The following PHF21B variants were observed in gnomAD, a reference collection of about 807,000 sequenced individuals.
PHF21B encodes the protein PHD finger protein 4.
PHF21B carries 22 observed loss-of-function variants against 62.2 expected under a neutral mutation model. That is an observed-to-expected ratio of 0.35 (90% CI 0.25 to 0.51). PHF21B has a LOEUF of 0.51. Among genes scored for constraint, PHF21B ranks in the 20% least tolerant of loss-of-function variants. PHF21B has a pLI of 0.97. For synonymous variants in PHF21B, 341 were observed against 314.7 expected (o/e 1.08, Z -0.88); for missense variants, 701 against 707.9 (o/e 0.99, Z 0.11).
intron 3 of PHF21B, among the ~76,000 whole-genome samples, chr22:44,919,981 TC>T (rs1258086306): frequency 6.6e-6 from 1 of 152,156 alleles, no homozygotes; most frequent in African/African-American, 2.4e-5. Context: ...GTGCTGCCCC[TC>T]CCTGAAATGA....
In PHF21B at chr22:44,938,672, G is replaced by A. The variant is rs138501009; in HGVS notation, c.121-18182C>T. Among the ~76,000 whole-genome samples, 1,194 of 152,332 alleles carry A rather than the reference G, an allele frequency of 7.8e-3. 8 individuals are homozygous for A. The highest frequency in any genetic ancestry group is 0.011 in the Non-Finnish European group (723 of 68,026). ...GCAGCACTGATAGACCCTCATTATG[G>A]CAGCTGCATGGCTAAGATGCTTCAT... is the stretch of plus-strand genomic sequence containing the variant. On this transcript the variant is annotated intron_variant, in intron 2 of 12. Coordinates refer to ENST00000313237, the MANE Select transcript of PHF21B (RefSeq NM_138415.5).
chr22:44,933,043 G>A (rs1255286086), intron 2 of PHF21B, among the ~76,000 whole-genome samples: 1 of 152,222 alleles, frequency 6.6e-6, no homozygotes, highest in Admixed American at 6.5e-5. Context: ...CCTGTCCTCG[G>A]GGACAGACTT....
Position 44,888,089 on chromosome 22 carries a change from G to A in PHF21B, c.1071C>T (p.Ala357=), listed in dbSNP as rs2070892549. The change falls in exon 10 of 13, where the codon GCC becomes GCT. Residue 357 remains alanine, a synonymous_variant. Coordinates refer to ENST00000313237, the MANE Select transcript of PHF21B (RefSeq NM_138415.5). Reference sequence around the variant, plus strand: ...GCTGCAGGTTGGCCCCTCGCTTGCAGGCGGCACAGTGCTCATCGTGGGTGA... The same window carrying A: ...GCTGCAGGTTGGCCCCTCGCTTGCAAGCGGCACAGTGCTCATCGTGGGTGA... ...NEITHDEHCA[A]CKRGANLQPC... 6.5e-7 allele frequency: 1 copy of A among 1,546,510 alleles called. No individual in the cohort carries two copies. The highest frequency in any genetic ancestry group is 8.7e-7 in the Non-Finnish European group (1 of 1,145,668).
At chr22:44,891,437 G>C (rs2070963274) in intron 7 of PHF21B, 77 bp from the exon 8 acceptor site, 1 of 1,540,680 alleles carries the variant, frequency 6.5e-7, no homozygotes. Flanking sequence ...CCCAGGTCAG[G>C]ACTCTCTCTG....
chr22:44,990,987 G>T (rs887864136), intron 2 of PHF21B, among the ~76,000 whole-genome samples: 1 of 152,188 alleles, frequency 6.6e-6, no homozygotes, highest in Non-Finnish European at 1.5e-5. Context: ...CCCTGCTGCC[G>T]CGGCTCCTCC....
intron 2 of PHF21B, among the ~76,000 whole-genome samples, chr22:44,925,453 GC>G (rs1011120825): frequency 1.3e-5 from 2 of 152,140 alleles, no homozygotes; most frequent in African/African-American, 4.8e-5. Flanking sequence ...GGCGGTTCCT[GC>G]CTCCTCTTTG....
intron 2 of PHF21B, among the ~76,000 whole-genome samples, chr22:44,944,085 G>T (rs1434648460): frequency 6.6e-6 from 1 of 152,296 alleles, no homozygotes; most frequent in Non-Finnish European, 1.5e-5. Flanking sequence ...TCGGTAAGAT[G>T]CTGAGCCCCG....
intron 2 of PHF21B, among the ~76,000 whole-genome samples, chr22:44,930,607 C>T (rs57607574): frequency 6.6e-6 from 1 of 152,130 alleles, no homozygotes; most frequent in African/African-American, 2.4e-5. Flanking sequence ...TGCCAAGAGG[C>T]TCAGAGCACT....
intron 2 of PHF21B, among the ~76,000 whole-genome samples, chr22:44,958,906 G>T (rs2072359531): frequency 6.6e-6 from 1 of 152,136 alleles, no homozygotes; most frequent in Non-Finnish European, 1.5e-5. Context: ...CTCCCAAAGT[G>T]CTGGGGTTAC....
Position 44,997,777 on chromosome 22 carries a change from T to C in PHF21B, c.120+10768A>G, listed in dbSNP as rs1039975310. Among the ~76,000 whole-genome samples, 2 of 152,206 alleles carry C rather than the reference T, an allele frequency of 1.3e-5. 1 individual carries two copies. The highest frequency in any genetic ancestry group is 2.9e-5 in the Non-Finnish European group (2 of 68,030). On this transcript the variant is annotated intron_variant, in intron 2 of 12. Coordinates refer to ENST00000313237, the MANE Select transcript of PHF21B (RefSeq NM_138415.5). ...CTCCTGCCTCATCCCAGCCCTTTTCTTTTGCCTGGGGTAAAAACCCTCTCC... is the reference window on the plus strand; with the variant it reads ...CTCCTGCCTCATCCCAGCCCTTTTCCTTTGCCTGGGGTAAAAACCCTCTCC...
chr22:44,898,492 A>G (rs1208499663), intron 5 of PHF21B, among the ~76,000 whole-genome samples: 1 of 152,176 alleles, frequency 6.6e-6, no homozygotes, highest in Non-Finnish European at 1.5e-5. Flanking sequence ...CTTATTGGGA[A>G]TAAGTCACCA....
In PHF21B at chr22:44,882,897, C is replaced by A; in HGVS notation, c.*189G>T. Reference sequence around the variant, plus strand: ...AGGTACCCCCTGTGAATTTGGAGGGCACAGGGCCGCACCCCCACCTGGTCC... The same window carrying A: ...AGGTACCCCCTGTGAATTTGGAGGGAACAGGGCCGCACCCCCACCTGGTCC... On this transcript the variant is annotated 3_prime_UTR_variant, in exon 13 of 13. Coordinates refer to ENST00000313237, the MANE Select transcript of PHF21B (RefSeq NM_138415.5). 1.5e-6 allele frequency: 1 copy of A among 671,876 alleles called. No individual in the cohort carries two copies. Among genetic ancestry groups the A allele is most frequent in the Non-Finnish European group, 2.4e-6 (1 of 413,218 alleles). 41.6% of individuals were successfully genotyped at this position (671,876 alleles called of 1,614,324 possible). A position where few individuals can be genotyped will look rare whatever the true frequency, so the allele number is the denominator to read the frequency against.
chr22:45,000,231 C>T (rs1047312774), intron 2 of PHF21B, among the ~76,000 whole-genome samples: 3 of 152,072 alleles, frequency 2.0e-5, no homozygotes, highest in East Asian at 3.9e-4. Context: ...GGAGGGAAAT[C>T]GGGGGGCAGG....
intron 3 of PHF21B, among the ~76,000 whole-genome samples, 162 bp downstream of exon 3, chr22:44,920,236 T>C (rs1047394957): frequency 9.9e-5 from 15 of 152,208 alleles, no homozygotes; most frequent in African/African-American, 2.9e-4. Flanking sequence ...AATGTTTCCA[T>C]TGAAGAATGG....
At chr22:44,940,090 A>G (rs136696) in intron 2 of PHF21B, among the ~76,000 whole-genome samples, 15,017 of 152,138 alleles carry the variant, frequency 0.099, 1,501 homozygotes, top group East Asian at 0.38. Flanking sequence ...CCTTCTGTAA[A>G]AAGCAATCTG....
At chr22:44,961,796 G>A (rs1333810046) in intron 2 of PHF21B, among the ~76,000 whole-genome samples, 1 of 151,864 alleles carries the variant, frequency 6.6e-6, no homozygotes, top group Non-Finnish European at 1.5e-5. Flanking sequence ...AGCCGAGGTT[G>A]CGCGCACCAC....
chr22:44,949,848 G>GC (rs1836164155), intron 2 of PHF21B, among the ~76,000 whole-genome samples: 1 of 148,714 alleles, frequency 6.7e-6, no homozygotes, highest in Non-Finnish European at 1.5e-5. Context: ...AAGTTCAGGT[G>GC]ATTTTTTCGG....
Position 44,988,959 on chromosome 22 carries a change from C to T in PHF21B, c.120+19586G>A, listed in dbSNP as rs1054021659. ...GTGTCCTCACGAAGGCAGACAGACACCCTCAGCCTCTTTTATAAGGGCACT... is the reference window on the plus strand; with the variant it reads ...GTGTCCTCACGAAGGCAGACAGACATCCTCAGCCTCTTTTATAAGGGCACT... On this transcript the variant is annotated intron_variant, in intron 2 of 12. Coordinates refer to ENST00000313237, the MANE Select transcript of PHF21B (RefSeq NM_138415.5). 2.6e-5 allele frequency among the ~76,000 whole-genome samples: 4 copies of T among 152,258 alleles called. No homozygotes were observed. In the South Asian group the frequency reaches 6.2e-4, roughly 24 times the overall value.
rs766810115 is a variant in PHF21B, at chr22:44,916,648, G to T, written c.214-18C>A. 10 of 1,597,134 alleles carry T rather than the reference G, an allele frequency of 6.3e-6. No individual in the cohort carries two copies. The highest frequency in any genetic ancestry group is 8.5e-6 in the Non-Finnish European group (10 of 1,177,520). On this transcript the variant is annotated intron_variant, in intron 3 of 12. Coordinates refer to ENST00000313237, the MANE Select transcript of PHF21B (RefSeq NM_138415.5). Reference sequence around the variant, plus strand: ...GGCCTAACCTGGGAAGAAGGGACAGGTATGTGGTCAGACAGGCAGACACAC... The same window carrying T: ...GGCCTAACCTGGGAAGAAGGGACAGTTATGTGGTCAGACAGGCAGACACAC...
Sources: gnomAD v4.1 joint callset for allele counts (sites outside exome capture counted in the v4.1 genomes callset) on GRCh38, gnomAD v4.1.1 for gene constraint, MANE v1.5 for transcripts, NCBI Gene and HGNC (gene_info 2026-07-23, HGNC 2026-07-21) for gene names.